Variants in AKT3 observed in about 807,000 individuals in gnomAD.
AKT3 encodes the protein AKT serine/threonine kinase 3, also known as RAC-gamma serine/threonine-protein kinase.
In AKT3, 15 loss-of-function variants were observed where a neutral mutation model predicts 65.3. The ratio of observed to expected loss-of-function variants is 0.23; its 90% CI spans 0.15 to 0.35. The LOEUF is 0.35. AKT3 is among the 10% of genes least tolerant of loss of function. The pLI, the probability that AKT3 is intolerant of heterozygous loss-of-function variation, is 1.00. For synonymous variants in AKT3, 206 were observed against 183.8 expected (o/e 1.12, Z -0.98); for missense variants, 243 against 576.5 (o/e 0.42, Z 5.92).
chr1:243,805,453 T>G (rs1351940664), intron 2 of AKT3, among the ~76,000 whole-genome samples: 1 of 152,236 alleles, frequency 6.6e-6, no homozygotes, highest in Non-Finnish European at 1.5e-5. Context: ...TTAACCAAGC[T>G]GCTCACTTTA....
chr1:243,534,276 G>A (rs1671750200), intron 12 of AKT3, among the ~76,000 whole-genome samples: 1 of 152,198 alleles, frequency 6.6e-6, no homozygotes, highest in Non-Finnish European at 1.5e-5. Context: ...AAAACTATCA[G>A]AGATAAAGAG....
chr1:243,789,318 CA>C (rs1298409273), intron 2 of AKT3, among the ~76,000 whole-genome samples: 3 of 152,186 alleles, frequency 2.0e-5, no homozygotes, highest in Non-Finnish European at 4.4e-5. Flanking sequence ...CCAGGGAGTT[CA>C]AGGCTGCAGT....
At chr1:243,661,956 T>C (rs1682379554) in intron 4 of AKT3, among the ~76,000 whole-genome samples, 1 of 147,416 alleles carries the variant, frequency 6.8e-6, no homozygotes, top group Non-Finnish European at 1.5e-5. Flanking sequence ...CATGAAAAAA[T>C]GCTCACCATC....
chr1:243,525,493 C>T (rs1670985973), intron 12 of AKT3, among the ~76,000 whole-genome samples: 1 of 150,678 alleles, frequency 6.6e-6, no homozygotes, highest in Non-Finnish European at 1.5e-5. Flanking sequence ...TCTTCAATGA[C>T]GTAAAGTAAA....
At chr1:243,624,829 T>C (rs1679028295) in intron 6 of AKT3, 2 of 208,134 alleles carry the variant, frequency 9.6e-6, no homozygotes, top group South Asian at 1.0e-4. Context: ...GTTTCTGTCA[T>C]CTGTAGTGGT....
chr1:243,519,937 T>G (rs1670606933), intron 12 of AKT3, among the ~76,000 whole-genome samples: 1 of 152,216 alleles, frequency 6.6e-6, no homozygotes, highest in Non-Finnish European at 1.5e-5. Context: ...TTGACGGAGC[T>G]TATGTTGAGA....
intron 3 of AKT3, among the ~76,000 whole-genome samples, chr1:243,677,651 G>T (rs1020635497): frequency 1.3e-5 from 2 of 151,990 alleles, no homozygotes; most frequent in Non-Finnish European, 2.9e-5. Flanking sequence ...AGGAAAAGGT[G>T]AAAGGAGTAG....
intron 8 of AKT3, among the ~76,000 whole-genome samples, chr1:243,579,339 G>A (rs1236485431): frequency 6.6e-6 from 1 of 152,114 alleles, no homozygotes; most frequent in African/African-American, 2.4e-5. Context: ...AGTAAAAACT[G>A]AAAAGATAAG....
intron 12 of AKT3, among the ~76,000 whole-genome samples, chr1:243,516,468 A>G (rs779381805): frequency 2.0e-5 from 3 of 151,934 alleles, no homozygotes; most frequent in Admixed American, 1.3e-4. Context: ...TTTGTTTTCT[A>G]TTTCATTGAT....
At position 243,637,675 on chromosome 1, in the gene AKT3, C is replaced by T; in HGVS notation, c.497G>A (p.Arg166Gln). ...KGTFGKVILV[R>Q]EKASGKYYAM... is the part of the protein sequence containing the mutation. ...ATAGTATTTTCCACTTGCCTTCTCT[C>T]GAACCAAAATAACTTTCCCAAAAGT... The change falls in exon 6 of 14, where the codon CGA becomes CAA. Residue 166 changes from arginine to glutamine, a missense_variant. Transcript: ENST00000673466. 1 of 1,605,926 alleles carries T rather than the reference C, an allele frequency of 6.2e-7. No individual in the cohort carries two copies.
intron 2 of AKT3, among the ~76,000 whole-genome samples, chr1:243,725,712 T>C (rs1426021488): frequency 2.0e-5 from 3 of 152,206 alleles, no homozygotes; most frequent in Non-Finnish European, 4.4e-5. Context: ...ACAGTTCAAA[T>C]ATATTTAATT....
chr1:243,532,086 C>T (rs889098939), intron 12 of AKT3, among the ~76,000 whole-genome samples: 2 of 152,128 alleles, frequency 1.3e-5, no homozygotes, highest in African/African-American at 2.4e-5. Context: ...TTCTTCCTTG[C>T]AAATTTGATT....
At chr1:243,611,360 T>C (rs868340995) in intron 8 of AKT3, among the ~76,000 whole-genome samples, 15 of 152,208 alleles carry the variant, frequency 9.9e-5, no homozygotes, top group African/African-American at 3.6e-4. Context: ...TTTTTGTTTC[T>C]ACCAAGATCT....
chr1:243,555,774 A>G (rs1418950681), intron 10 of AKT3, among the ~76,000 whole-genome samples: 1 of 152,168 alleles, frequency 6.6e-6, no homozygotes, highest in Non-Finnish European at 1.5e-5. Flanking sequence ...TTGGATATAA[A>G]TGCAGATCAA....
chr1:243,626,100 C>T (rs1291240487), intron 6 of AKT3, among the ~76,000 whole-genome samples: 1 of 152,168 alleles, frequency 6.6e-6, no homozygotes, highest in African/African-American at 2.4e-5. Context: ...ATGGTAAATA[C>T]TGTGACTGAA....
chr1:243,615,996 C>T (rs900896502), intron 6 of AKT3, among the ~76,000 whole-genome samples: 4 of 152,050 alleles, frequency 2.6e-5, no homozygotes. Flanking sequence ...CCGCTTCAGA[C>T]TCCCAAGTAG....
intron 2 of AKT3, among the ~76,000 whole-genome samples, chr1:243,812,086 C>T (rs1193066794): frequency 6.6e-6 from 1 of 152,132 alleles, no homozygotes; most frequent in Non-Finnish European, 1.5e-5. Flanking sequence ...AAAACCTGGG[C>T]AATACCATTC....
chr1:243,794,529 G>C (rs1691831741), intron 2 of AKT3: 1 of 152,180 alleles, frequency 6.6e-6, no homozygotes, highest in Non-Finnish European at 1.5e-5. Flanking sequence ...ATATTCTTAA[G>C]TTAAATGTTA....
chr1:243,610,950 T>C (rs1677826354), intron 8 of AKT3, among the ~76,000 whole-genome samples: 1 of 152,218 alleles, frequency 6.6e-6, no homozygotes, highest in South Asian at 2.1e-4. Context: ...TCCTTACGAA[T>C]GCTCATTTAA....
Sources: gnomAD v4.1 joint callset for allele counts (sites outside exome capture counted in the v4.1 genomes callset) on GRCh38, gnomAD v4.1.1 for gene constraint, MANE v1.5 for transcripts, NCBI Gene and HGNC (gene_info 2026-07-23, HGNC 2026-07-21) for gene names.